The following TLN2 variants were observed in gnomAD, a reference collection of about 807,000 sequenced individuals.
TLN2 encodes talin 2.
In TLN2, 118 loss-of-function variants were observed where a neutral mutation model predicts 294.7. The observed-to-expected ratio is 0.40, with a 90% CI of 0.34 to 0.47. The LOEUF is 0.47. Ranked by LOEUF, TLN2 falls within the 20% of genes least tolerant of loss-of-function variation. The pLI is 0.84. For synonymous variants in TLN2, 1,431 were observed against 1,304.5 expected (o/e 1.10, Z -2.09); for missense variants, 3,083 against 3,282.2 (o/e 0.94, Z 1.48).
Position 62,698,826 on chromosome 15 carries a change from C to G in TLN2, c.1546C>G (p.Leu516Val), listed in dbSNP as rs1393006968. The change falls in exon 16 of 59, where the codon CTC becomes GTC. Residue 516 changes from leucine (L) to valine (V), a missense_variant. Leu to Val is a conservative substitution (Grantham distance 32). Coordinates refer to ENST00000636159, the MANE Select transcript of TLN2 (RefSeq NM_015059.3). ...MHAVQQAQDD[L>V]SELDSLPPLG... ...CGCCGTCCAGCAGGCCCAGGATGATCTCAGTGAGCTCGACTCGCTGCCACC... is the reference window on the plus strand; with the variant it reads ...CGCCGTCCAGCAGGCCCAGGATGATGTCAGTGAGCTCGACTCGCTGCCACC... 6.2e-7 allele frequency: 1 copy of G among 1,612,998 alleles called. No homozygotes were observed. The highest frequency in any genetic ancestry group is 1.7e-5 in the Admixed American group (1 of 60,024).
intron 28 of TLN2, 134 bp from the exon 29 acceptor site, chr15:62,736,744 A>G: frequency 1.0e-6 from 1 of 978,780 alleles, no homozygotes; most frequent in Non-Finnish European, 1.5e-6. Context: ...TGAGAAACAC[A>G]GCAATTCAAA....
At chr15:62,471,272 G>A (rs188408717) in intron 1 of TLN2, among the ~76,000 whole-genome samples, 165 of 152,312 alleles carry the variant, frequency 1.1e-3, no homozygotes, top group African/African-American at 3.8e-3. Context: ...CCAGGAGGTC[G>A]AGGTCGAGGC....
intron 2 of TLN2, among the ~76,000 whole-genome samples, chr15:62,618,074 C>T (rs2048460125): frequency 6.6e-6 from 1 of 151,242 alleles, no homozygotes; most frequent in African/African-American, 2.4e-5. Flanking sequence ...GTTGAGATTA[C>T]AGGCAAGAGC....
At position 62,730,623 on chromosome 15, in the gene TLN2, C is replaced by T. The variant is rs553464051; in HGVS notation, c.3358+3434C>T. ...TATTTTGGGTGGATAATATCACTTACACAATTTTAGGTTGGCAGTTGTTTT... is the reference window on the plus strand; with the variant it reads ...TATTTTGGGTGGATAATATCACTTATACAATTTTAGGTTGGCAGTTGTTTT... On this transcript the variant is annotated intron_variant, in intron 28 of 58. Coordinates refer to ENST00000636159, the MANE Select transcript of TLN2 (RefSeq NM_015059.3). Among the ~76,000 whole-genome samples the T allele has an allele frequency of 2.0e-5, 3 of 152,350 alleles. No individual in the cohort carries two copies. In the South Asian group the frequency reaches 6.2e-4, roughly 32 times the overall value.
intron 1 of TLN2, among the ~76,000 whole-genome samples, chr15:62,454,561 G>T (rs1049921722): frequency 5.3e-5 from 8 of 152,120 alleles, no homozygotes; most frequent in Non-Finnish European, 1.0e-4. Context: ...GGGATGTCTG[G>T]CAGATGCCTT....
intron 1 of TLN2, among the ~76,000 whole-genome samples, chr15:62,404,408 G>GA (rs2033247853): frequency 6.6e-6 from 1 of 152,150 alleles, no homozygotes; most frequent in Non-Finnish European, 1.5e-5. Flanking sequence ...TTGTTTTGGT[G>GA]AATCACTCAT....
intron 46 of TLN2, among the ~76,000 whole-genome samples, chr15:62,793,734 G>A (rs2065246980): frequency 6.6e-6 from 1 of 151,828 alleles, no homozygotes; most frequent in South Asian, 2.1e-4. Context: ...CTGTTTTGCA[G>A]GCTGCTTGAG....
At chr15:62,796,851 C>T (rs1040674317) in intron 47 of TLN2, among the ~76,000 whole-genome samples, 1 of 152,194 alleles carries the variant, frequency 6.6e-6, no homozygotes, top group African/African-American at 2.4e-5. Flanking sequence ...GGTGCCCCAA[C>T]CCATGTGTCC....
chr15:62,658,361 A>G (rs1282512210), intron 9 of TLN2, among the ~76,000 whole-genome samples: 1 of 152,126 alleles, frequency 6.6e-6, no homozygotes, highest in Non-Finnish European at 1.5e-5. Context: ...AGGATAACGG[A>G]GAGGCTTCTT....
At chr15:62,697,602 G>A in intron 14 of TLN2, 86 bp from the exon 15 acceptor site, 1 of 1,438,992 alleles carries the variant, frequency 6.9e-7, no homozygotes. Flanking sequence ...CATAAAGCAG[G>A]GAACATACGT....
At chr15:62,813,322 G>A (rs1489034622) in intron 52 of TLN2, among the ~76,000 whole-genome samples, 1 of 152,102 alleles carries the variant, frequency 6.6e-6, no homozygotes, top group Non-Finnish European at 1.5e-5. Flanking sequence ...TACAATTATT[G>A]TCATTGTAGT....
chr15:62,686,873 T>G, intron 12 of TLN2, 77 bp downstream of exon 12: 1 of 1,553,260 alleles, frequency 6.4e-7, no homozygotes, highest in South Asian at 1.2e-5. Context: ...AAGACCAGAT[T>G]CTTGCCCATT....
At chr15:62,764,325 C>A (rs1256673038) in intron 40 of TLN2, among the ~76,000 whole-genome samples, 2 of 152,096 alleles carry the variant, frequency 1.3e-5, no homozygotes, top group Non-Finnish European at 2.9e-5. Context: ...TCTATCTCTA[C>A]CGAAAGCACA....
intron 1 of TLN2, among the ~76,000 whole-genome samples, chr15:62,481,781 T>A (rs948336659): frequency 4.1e-5 from 6 of 145,476 alleles, no homozygotes; most frequent in Non-Finnish European, 7.5e-5. Context: ...ACATATTATT[T>A]TTCTTTTTCT....
intron 26 of TLN2, among the ~76,000 whole-genome samples, chr15:62,723,081 A>G (rs2060243476): frequency 6.6e-6 from 1 of 152,220 alleles, no homozygotes; most frequent in Admixed American, 6.5e-5. Context: ...TTGATGTGGT[A>G]TTAGCATGAA....
At chr15:62,498,417 G>A (rs907989330) in intron 1 of TLN2, among the ~76,000 whole-genome samples, 1 of 152,112 alleles carries the variant, frequency 6.6e-6, no homozygotes, top group Non-Finnish European at 1.5e-5. Flanking sequence ...TGTTTTACTG[G>A]CTACTTGGAA....
intron 2 of TLN2, among the ~76,000 whole-genome samples, chr15:62,592,549 A>G (rs981986220): frequency 6.6e-6 from 1 of 152,250 alleles, no homozygotes; most frequent in African/African-American, 2.4e-5. Flanking sequence ...AAGTCCTAAC[A>G]TGTCTGAAAG....
At chr15:62,547,198 T>C (rs2042041639) in intron 1 of TLN2, among the ~76,000 whole-genome samples, 2 of 152,358 alleles carry the variant, frequency 1.3e-5, no homozygotes, top group Non-Finnish European at 1.5e-5. Flanking sequence ...TTTTCAGCCC[T>C]TTCATTTCTC....
chr15:62,740,483 C>A, intron 31 of TLN2, 147 bp from the exon 32 acceptor site: 1 of 961,180 alleles, frequency 1.0e-6, no homozygotes, highest in Non-Finnish European at 1.6e-6. Context: ...AGTGTCTCAA[C>A]GAGTTAGGCA....
Sources: gnomAD v4.1 joint callset for allele counts (sites outside exome capture counted in the v4.1 genomes callset) on GRCh38, gnomAD v4.1.1 for gene constraint, MANE v1.5 for transcripts, NCBI Gene and HGNC (gene_info 2026-07-23, HGNC 2026-07-21) for gene names.